The following CACNA2D1 variants were observed in gnomAD, a reference collection of about 807,000 sequenced individuals.
CACNA2D1 encodes calcium voltage-gated channel auxiliary subunit alpha2delta 1.
A neutral mutation model predicts 171.5 loss-of-function variants in CACNA2D1; 53 were observed. That is an observed-to-expected ratio of 0.31 (90% CI 0.25 to 0.39). The LOEUF (loss-of-function observed/expected upper bound fraction) is 0.39. Among genes scored for constraint, CACNA2D1 ranks in the 10% least tolerant of loss-of-function variants. The pLI, the probability that CACNA2D1 is intolerant of heterozygous loss-of-function variation, is 1.00. For missense variants in CACNA2D1, 903 were observed against 1,299.8 expected, an observed-to-expected ratio of 0.69 and a Z score of 4.69; for synonymous variants, 442 against 443.1, an observed-to-expected ratio of 1.00 and a Z score of 0.03.
At chr7:82,336,547 G>A (rs563254665) in intron 2 of CACNA2D1, among the ~76,000 whole-genome samples, 46 of 152,108 alleles carry the variant, frequency 3.0e-4, no homozygotes, top group Non-Finnish European at 5.4e-4. Context: ...CTCAAGGCAC[G>A]TTAATTTAGT....
At chr7:82,175,020 A>G (rs1484537304) in intron 3 of CACNA2D1, among the ~76,000 whole-genome samples, 11 of 152,094 alleles carry the variant, frequency 7.2e-5, no homozygotes, top group Admixed American at 6.6e-4. Flanking sequence ...ATATAAAGAT[A>G]TAATTCTACT....
chr7:82,317,359 T>C (rs749322270), intron 3 of CACNA2D1, among the ~76,000 whole-genome samples: 1 of 152,202 alleles, frequency 6.6e-6, no homozygotes, highest in Non-Finnish European at 1.5e-5. Flanking sequence ...ATAGGGATAA[T>C]TCCCGTGTGT....
intron 10 of CACNA2D1, among the ~76,000 whole-genome samples, chr7:82,059,843 G>A (rs36199079): frequency 0.48 from 70,047 of 145,476 alleles, 20,259 homozygotes; most frequent in Non-Finnish European, 0.63. Flanking sequence ...CATGTCCTTT[G>A]TAGGGACATG....
At chr7:82,080,940 A>G (rs960646827) in intron 7 of CACNA2D1, among the ~76,000 whole-genome samples, 2 of 152,232 alleles carry the variant, frequency 1.3e-5, no homozygotes, top group East Asian at 3.8e-4. Context: ...CCTATTTTCA[A>G]AGTACTTTTC....
At chr7:82,131,960 T>C (rs1428095925) in intron 5 of CACNA2D1, among the ~76,000 whole-genome samples, 1 of 152,300 alleles carries the variant, frequency 6.6e-6, no homozygotes, top group East Asian at 1.9e-4. Context: ...TCATCATCCA[T>C]AGGAGTCTAA....
chr7:82,057,722 C>T (rs978656506), intron 10 of CACNA2D1, among the ~76,000 whole-genome samples: 1 of 152,012 alleles, frequency 6.6e-6, no homozygotes, highest in Non-Finnish European at 1.5e-5. Context: ...CAGAAACCAC[C>T]ATTTGAATGG....
chr7:82,065,383 C>T (rs1254070692), intron 8 of CACNA2D1, among the ~76,000 whole-genome samples: 1 of 152,140 alleles, frequency 6.6e-6, no homozygotes, highest in Non-Finnish European at 1.5e-5. Flanking sequence ...TAAGAGAAGA[C>T]AGGACATGTC....
At chr7:82,088,049 C>T (rs564225716) in intron 6 of CACNA2D1, among the ~76,000 whole-genome samples, 190 of 152,206 alleles carry the variant, frequency 1.2e-3, no homozygotes, top group African/African-American at 4.4e-3. Flanking sequence ...GTCTGTCTCT[C>T]TAAATATGTG....
chr7:82,280,741 G>A (rs111831696), intron 3 of CACNA2D1, among the ~76,000 whole-genome samples: 3 of 151,978 alleles, frequency 2.0e-5, no homozygotes, highest in African/African-American at 7.3e-5. Flanking sequence ...GAATGCACTG[G>A]TATGATCATA....
intron 6 of CACNA2D1, among the ~76,000 whole-genome samples, chr7:82,096,143 C>T (rs1285637475): frequency 6.6e-6 from 1 of 152,204 alleles, no homozygotes; most frequent in East Asian, 1.9e-4. Flanking sequence ...AATAGGCACA[C>T]TTTTTCTTAA....
chr7:82,030,134 G>A (rs566311322), intron 12 of CACNA2D1, among the ~76,000 whole-genome samples: 1 of 151,870 alleles, frequency 6.6e-6, no homozygotes, highest in African/African-American at 2.4e-5. Context: ...TTGAGCTCCT[G>A]TAAAAGGTGA....
chr7:82,284,776 T>C (rs1307094955), intron 3 of CACNA2D1, among the ~76,000 whole-genome samples: 3 of 152,094 alleles, frequency 2.0e-5, no homozygotes, highest in Non-Finnish European at 2.9e-5. Flanking sequence ...AGTTCCAATA[T>C]AGGAGTTGTG....
rs763370860 is a variant in CACNA2D1, at chr7:81,964,167, G to A, written c.2727+40C>T. 14 of 1,611,092 alleles carry A rather than the reference G, an allele frequency of 8.7e-6. No homozygotes were observed. The South Asian group carries it at 1.3e-4, about 15-fold the overall frequency. On this transcript the variant is annotated intron_variant, in intron 33 of 38. Transcript: ENST00000356860. ...TCTACTTGATACTGAGGACACTTGA[G>A]TACCCCTTGAGAATTGATTAGACCG...
intron 7 of CACNA2D1, among the ~76,000 whole-genome samples, chr7:82,072,055 G>A (rs1012517457): frequency 1.3e-5 from 2 of 152,092 alleles, no homozygotes; most frequent in African/African-American, 2.4e-5. Context: ...TTTCCTCCGA[G>A]TATTTTTTAA....
intron 3 of CACNA2D1, among the ~76,000 whole-genome samples, chr7:82,285,972 GA>G (rs1314611443): frequency 6.6e-6 from 1 of 152,138 alleles, no homozygotes; most frequent in Non-Finnish European, 1.5e-5. Flanking sequence ...CTGAGGAACT[GA>G]AAGCATTTTC....
At position 82,065,686 on chromosome 7, in the gene CACNA2D1, C is replaced by T. The variant is rs78770916; in HGVS notation, c.728+769G>A. On this transcript the variant is annotated intron_variant, in intron 8 of 38. Coordinates refer to ENST00000356860, the MANE Select transcript of CACNA2D1 (RefSeq NM_000722.4). ...AGAAAAAAGTTAGAAATAACCTAAA[C>T]GTCCAATAATAAGGGATTTCATAAA... is the stretch of plus-strand genomic sequence containing the variant. Among the ~76,000 whole-genome samples the T allele has an allele frequency of 1.4e-3, 212 of 152,220 alleles. 5 individuals carry two copies. In the East Asian group the frequency reaches 0.039, roughly 28 times the overall value.
chr7:82,181,274 G>A (rs6948895), intron 3 of CACNA2D1, among the ~76,000 whole-genome samples: 67,908 of 151,410 alleles, frequency 0.45, 15,595 homozygotes, highest in East Asian at 0.51. Flanking sequence ...GCTTGTCAAA[G>A]TGTTCACTGA....
intron 3 of CACNA2D1, among the ~76,000 whole-genome samples, chr7:82,277,293 C>T (rs1001521647): frequency 1.3e-5 from 2 of 152,100 alleles, no homozygotes; most frequent in Admixed American, 1.3e-4. Flanking sequence ...ACCTCCACCT[C>T]CCAAATTCAA....
At chr7:82,045,634 T>C (rs1335436119) in intron 10 of CACNA2D1, among the ~76,000 whole-genome samples, 1 of 152,206 alleles carries the variant, frequency 6.6e-6, no homozygotes, top group Non-Finnish European at 1.5e-5. Context: ...TTTGAATACA[T>C]TTCTGTAATT....
Sources: gnomAD v4.1 joint callset for allele counts (sites outside exome capture counted in the v4.1 genomes callset) on GRCh38, gnomAD v4.1.1 for gene constraint, MANE v1.5 for transcripts, NCBI Gene and HGNC (gene_info 2026-07-23, HGNC 2026-07-21) for gene names.